The following CHRM3 variants were observed in gnomAD, a reference collection of about 807,000 sequenced individuals.
CHRM3 encodes muscarinic acetylcholine receptor M3.
CHRM3 carries 11 observed loss-of-function variants against 41.8 expected under a neutral mutation model. The ratio of observed to expected loss-of-function variants is 0.26; its 90% CI spans 0.17 to 0.44. CHRM3 has a LOEUF of 0.44. CHRM3 is among the 20% of genes least tolerant of loss of function. The pLI is 1.00. For missense variants in CHRM3, 571 were observed against 745.4 expected (o/e 0.77, Z 2.72); for synonymous variants, 297 against 301.4 (o/e 0.99, Z 0.15).
intron 3 of CHRM3, among the ~76,000 whole-genome samples, chr1:239,560,618 C>T (rs1276953827): frequency 1.3e-5 from 2 of 152,010 alleles, no homozygotes; most frequent in African/African-American, 4.8e-5. Context: ...ATTTATTTAT[C>T]CCATATTTAG....
chr1:239,614,048 C>T lies in CHRM3; in HGVS notation c.-312-18176C>T, dbSNP rs1256817145. 2.0e-5 allele frequency among the ~76,000 whole-genome samples: 3 copies of T among 152,118 alleles called. No homozygotes were observed. In the East Asian group the frequency reaches 5.8e-4, roughly 29 times the overall value. Reference sequence around the variant, plus strand: ...TGAGTGTGGTGGTGTTTACCTGCAGCCCCAGCTACTTGAGAGGCTGAGGCT... The same window carrying T: ...TGAGTGTGGTGGTGTTTACCTGCAGTCCCAGCTACTTGAGAGGCTGAGGCT... On this transcript the variant is annotated intron_variant, in intron 3 of 6. Coordinates refer to ENST00000676153, the MANE Select transcript of CHRM3 (RefSeq NM_001375978.1).
chr1:239,792,285 C>A (rs1372622755), intron 5 of CHRM3, among the ~76,000 whole-genome samples: 1 of 152,158 alleles, frequency 6.6e-6, no homozygotes, highest in Non-Finnish European at 1.5e-5. Flanking sequence ...CACCAGGGAG[C>A]AGTGATGGAC....
At chr1:239,447,776 C>G (rs551452138) in intron 1 of CHRM3, among the ~76,000 whole-genome samples, 26 of 146,870 alleles carry the variant, frequency 1.8e-4, no homozygotes, top group African/African-American at 6.1e-4. Flanking sequence ...AATTCTGTCT[C>G]AAAAAAACAA....
rs74913699 is a variant in CHRM3, at chr1:239,395,037, C to T, written c.-521+7810C>T. Among the ~76,000 whole-genome samples the T allele has an allele frequency of 3.5e-3, 536 of 152,262 alleles. 2 individuals are homozygous for T. Among genetic ancestry groups the T allele is most frequent in the African/African-American group, 0.011 (467 of 41,542 alleles). On this transcript the variant is annotated intron_variant, in intron 1 of 6. Coordinates refer to ENST00000676153, the MANE Select transcript of CHRM3 (RefSeq NM_001375978.1). The stretch of plus-strand genomic sequence containing the variant: ...CACCTGTAACCTCTTAGTCATAAAA[C>T]GGGTAGCCCTTCCTTGTCTGTCCTG...
rs530133508 is a variant in CHRM3 at position 239,666,932 on chromosome 1, G to C, written c.-249-11254G>C. On this transcript the variant is annotated intron_variant, in intron 4 of 6. Transcript: ENST00000676153. ...GAGAACATGCAGTATTTGGGTTTCT[G>C]TTCTTTTGTTAATTCACTTAGAATA... Among the ~76,000 whole-genome samples, 319 of 152,204 alleles carry C rather than the reference G, an allele frequency of 2.1e-3. 2 individuals carry two copies. Among genetic ancestry groups the C allele is most frequent in the African/African-American group, 7.3e-3 (303 of 41,534 alleles).
At chr1:239,413,954 C>A (rs7519061) in intron 1 of CHRM3, among the ~76,000 whole-genome samples, 1 of 151,934 alleles carries the variant, frequency 6.6e-6, no homozygotes, top group Non-Finnish European at 1.5e-5. Flanking sequence ...TGTAAGATAT[C>A]GAAATAACAC....
chr1:239,834,068 A>G (rs563085290), intron 6 of CHRM3, among the ~76,000 whole-genome samples: 17 of 151,672 alleles, frequency 1.1e-4, no homozygotes, highest in African/African-American at 4.1e-4. Flanking sequence ...TAAATGACTT[A>G]TGCTTCTGTT....
chr1:239,395,671 C>T (rs1294594934), intron 1 of CHRM3, among the ~76,000 whole-genome samples: 1 of 152,194 alleles, frequency 6.6e-6, no homozygotes. Context: ...ATCTGCATTT[C>T]TAACCAGCCT....
intron 1 of CHRM3, among the ~76,000 whole-genome samples, chr1:239,491,747 T>C (rs1004310269): frequency 1.3e-5 from 2 of 152,246 alleles, no homozygotes; most frequent in African/African-American, 2.4e-5. Context: ...TTTAGTTTTT[T>C]TGAGAAAACT....
intron 3 of CHRM3, among the ~76,000 whole-genome samples, chr1:239,609,588 T>C (rs1666757255): frequency 6.6e-6 from 1 of 152,142 alleles, no homozygotes; most frequent in Non-Finnish European, 1.5e-5. Context: ...TTCAAAACGG[T>C]TATAGCATTT....
intron 3 of CHRM3, among the ~76,000 whole-genome samples, chr1:239,601,092 A>G (rs1280177779): frequency 1.3e-5 from 2 of 152,228 alleles, no homozygotes; most frequent in Admixed American, 6.5e-5. Flanking sequence ...AGAGGATTAT[A>G]TAACTTCTTA....
At chr1:239,753,427 T>C (rs898138450) in intron 5 of CHRM3, among the ~76,000 whole-genome samples, 8 of 152,078 alleles carry the variant, frequency 5.3e-5, no homozygotes, top group Non-Finnish European at 1.2e-4. Flanking sequence ...CTTACAATCA[T>C]GGCAGAAGGT....
At chr1:239,430,201 C>T (rs562259334) in intron 1 of CHRM3, among the ~76,000 whole-genome samples, 1 of 151,796 alleles carries the variant, frequency 6.6e-6, no homozygotes, top group Admixed American at 6.6e-5. Flanking sequence ...CTCCTGACCT[C>T]GTGATCCGCC....
intron 2 of CHRM3, among the ~76,000 whole-genome samples, chr1:239,498,227 T>G (rs1354760668): frequency 6.6e-6 from 1 of 152,176 alleles, no homozygotes; most frequent in Non-Finnish European, 1.5e-5. Flanking sequence ...CTGGTGGAAC[T>G]AAGACAAAAT....
At chr1:239,737,108 C>A (rs1424822930) in intron 5 of CHRM3, among the ~76,000 whole-genome samples, 1 of 152,102 alleles carries the variant, frequency 6.6e-6, no homozygotes, top group African/African-American at 2.4e-5. Context: ...ATTCATATTA[C>A]TTCTCTAATA....
intron 5 of CHRM3, among the ~76,000 whole-genome samples, chr1:239,683,627 A>T (rs1172963130): frequency 6.6e-6 from 1 of 152,204 alleles, no homozygotes; most frequent in Non-Finnish European, 1.5e-5. Context: ...ACTTTGCTAG[A>T]GTCATGTGGA....
At chr1:239,451,480 A>G (rs768305014) in intron 1 of CHRM3, among the ~76,000 whole-genome samples, 57 of 152,236 alleles carry the variant, frequency 3.7e-4, no homozygotes, top group Non-Finnish European at 3.5e-4. Flanking sequence ...CTGGTTTGCC[A>G]TGGAGGGGCC....
chr1:239,757,630 A>AG (rs1301306860), intron 5 of CHRM3, among the ~76,000 whole-genome samples: 1 of 136,260 alleles, frequency 7.3e-6, no homozygotes, highest in African/African-American at 2.5e-5. Flanking sequence ...ACTCCGTCTC[A>AG]GAAAAAAAAA....
intron 6 of CHRM3, among the ~76,000 whole-genome samples, chr1:239,904,579 T>TA (rs1248531701): frequency 6.6e-6 from 1 of 152,176 alleles, no homozygotes; most frequent in Non-Finnish European, 1.5e-5. Context: ...ATCCTGAATG[T>TA]AATTGTGGGC....
Sources: gnomAD v4.1 joint callset for allele counts (sites outside exome capture counted in the v4.1 genomes callset) on GRCh38, gnomAD v4.1.1 for gene constraint, MANE v1.5 for transcripts, NCBI Gene and HGNC (gene_info 2026-07-23, HGNC 2026-07-21) for gene names.